Variants in MCC observed in about 807,000 individuals in gnomAD.
MCC encodes MCC regulator of Wnt signaling pathway.
A neutral mutation model predicts 116.2 loss-of-function variants in MCC; 90 were observed. That is an observed-to-expected ratio of 0.77 (90% CI 0.65 to 0.92). MCC has a LOEUF of 0.92. Among genes scored for constraint, MCC ranks in the 40% least tolerant of loss-of-function variants. The pLI, the probability that MCC is intolerant of heterozygous loss-of-function variation, is 0.00. For synonymous variants in MCC, 578 were observed against 510.5 expected (o/e 1.13, Z -1.78); for missense variants, 1,516 against 1,312.2 (o/e 1.16, Z -2.40).
At position 113,028,982 on chromosome 5, in the gene MCC, C is replaced by T. The variant is rs746735411; in HGVS notation, c.2831G>A (p.Arg944Gln). 1.1e-5 allele frequency: 17 copies of T among 1,613,976 alleles called. No homozygotes were observed. Among genetic ancestry groups the T allele is most frequent in the Non-Finnish European group, 1.2e-5 (14 of 1,179,974 alleles). Residue 944 changes from arginine (R) to glutamine (Q), a missense_variant, in exon 18 of 19, where the codon CGA (arginine) becomes CAA (glutamine). Physicochemically the swap from Arg to Gln is conservative, Grantham distance 43. Coordinates refer to ENST00000408903, the MANE Select transcript of MCC (RefSeq NM_001085377.2). ...CACGAACTCTGCAGATTGCTGATGT[C>T]GGATTTCACTGCTCTTGGTGAGTCT... The part of the protein sequence containing the change: ...LERLTKSSEI[R>Q]HQQSAEFVND...
intron 3 of MCC, among the ~76,000 whole-genome samples, chr5:113,197,155 G>A (rs760815635): frequency 2.6e-5 from 4 of 152,160 alleles, no homozygotes; most frequent in Non-Finnish European, 4.4e-5. Context: ...CACTGTCACG[G>A]GCTTCTTTCT....
At chr5:113,040,181 G>A (rs2150213252) in intron 17 of MCC, among the ~76,000 whole-genome samples, 1 of 59,230 alleles carries the variant, frequency 1.7e-5, no homozygotes, top group South Asian at 1.1e-3. Flanking sequence ...TACAGTAAAG[G>A]CGGGGTGGCA....
intron 3 of MCC, among the ~76,000 whole-genome samples, chr5:113,308,653 G>A (rs996435383): frequency 2.0e-5 from 3 of 151,964 alleles, no homozygotes; most frequent in Middle Eastern, 3.2e-3. Context: ...GGAGACCTTT[G>A]TCTCTACAGA....
chr5:113,073,906 G>A (rs946204192), intron 11 of MCC, among the ~76,000 whole-genome samples: 6 of 152,194 alleles, frequency 3.9e-5, no homozygotes, highest in Non-Finnish European at 8.8e-5. Flanking sequence ...GGAGCCCACC[G>A]CAGTTCAAGG....
intron 6 of MCC, among the ~76,000 whole-genome samples, chr5:113,115,161 T>G (rs1757325605): frequency 6.6e-6 from 1 of 152,164 alleles, no homozygotes; most frequent in South Asian, 2.1e-4. Context: ...TCAAAAGCAC[T>G]TGTTCCGGCC....
chr5:113,384,361 G>A (rs920816266), intron 2 of MCC, among the ~76,000 whole-genome samples: 5 of 152,194 alleles, frequency 3.3e-5, no homozygotes, highest in African/African-American at 1.2e-4. Flanking sequence ...GGCCAAGGCA[G>A]GTGGATCACG....
intron 2 of MCC, among the ~76,000 whole-genome samples, chr5:113,381,779 T>C (rs925472238): frequency 2.6e-5 from 4 of 151,858 alleles, no homozygotes; most frequent in African/African-American, 9.7e-5. Flanking sequence ...CAGAGTGAGA[T>C]CCTGACTCAA....
intron 1 of MCC, among the ~76,000 whole-genome samples, chr5:113,468,523 G>A (rs1580415515): frequency 2.0e-5 from 3 of 152,144 alleles, no homozygotes; most frequent in African/African-American, 7.2e-5. Context: ...TGCATCCCAG[G>A]GATGAAGCCC....
intron 1 of MCC, among the ~76,000 whole-genome samples, chr5:113,445,781 C>A (rs1467130826): frequency 6.6e-6 from 1 of 152,026 alleles, no homozygotes; most frequent in Non-Finnish European, 1.5e-5. Flanking sequence ...AAAAATACCC[C>A]ACATAGCCAA....
At chr5:113,129,634 G>A (rs962562301) in intron 5 of MCC, among the ~76,000 whole-genome samples, 2 of 151,878 alleles carry the variant, frequency 1.3e-5, no homozygotes, top group Non-Finnish European at 2.9e-5. Context: ...TTCTTAAAAG[G>A]CAATACACCA....
chr5:113,150,111 A>G (rs1406962737), intron 4 of MCC, among the ~76,000 whole-genome samples: 1 of 151,964 alleles, frequency 6.6e-6, no homozygotes, highest in South Asian at 2.1e-4. Context: ...GAGTGGAAAC[A>G]AAATTGAACA....
chr5:113,401,083 T>C (rs1199152216), intron 1 of MCC, among the ~76,000 whole-genome samples: 2 of 152,194 alleles, frequency 1.3e-5, no homozygotes, highest in Admixed American at 1.3e-4. Flanking sequence ...ATTTGGGAAA[T>C]GAACCACTTT....
At chr5:113,069,430 G>C (rs536438730) in intron 12 of MCC, among the ~76,000 whole-genome samples, 1 of 152,270 alleles carries the variant, frequency 6.6e-6, no homozygotes, top group African/African-American at 2.4e-5. Flanking sequence ...GGTGGAACAT[G>C]TGTACAGCAT....
At chr5:113,253,832 C>A (rs1764899262) in intron 3 of MCC, among the ~76,000 whole-genome samples, 1 of 152,036 alleles carries the variant, frequency 6.6e-6, no homozygotes, top group Non-Finnish European at 1.5e-5. Flanking sequence ...AAAACAAAAA[C>A]ATCCATATAG....
intron 3 of MCC, among the ~76,000 whole-genome samples, chr5:113,245,805 G>A (rs1764552666): frequency 6.6e-6 from 1 of 152,114 alleles, no homozygotes. Flanking sequence ...CTCATACTGT[G>A]ACAATTTAAA....
intron 11 of MCC, among the ~76,000 whole-genome samples, chr5:113,072,243 A>C (rs1754090726): frequency 6.6e-6 from 1 of 152,220 alleles, no homozygotes; most frequent in African/African-American, 2.4e-5. Context: ...TCTTAGACTC[A>C]AGCCTTAGAG....
intron 15 of MCC, among the ~76,000 whole-genome samples, chr5:113,052,845 T>C (rs765851859): frequency 6.6e-6 from 1 of 152,160 alleles, no homozygotes; most frequent in Non-Finnish European, 1.5e-5. Context: ...GTCCTTCTGG[T>C]GACCAGCCCA....
chr5:113,334,600 T>TC (rs1202668758), intron 3 of MCC, among the ~76,000 whole-genome samples: 1 of 145,526 alleles, frequency 6.9e-6, no homozygotes, highest in Non-Finnish European at 1.5e-5. Flanking sequence ...ATTTTTTTTT[T>TC]TTTTTTTTGA....
At chr5:113,108,985 C>T (rs12517187) in intron 6 of MCC, among the ~76,000 whole-genome samples, 69,685 of 151,942 alleles carry the variant, frequency 0.46, 16,246 homozygotes, top group African/African-American at 0.5. Flanking sequence ...GAGACTGGGC[C>T]GCCTGGAGCA....
Sources: gnomAD v4.1 joint callset for allele counts (sites outside exome capture counted in the v4.1 genomes callset) on GRCh38, gnomAD v4.1.1 for gene constraint, MANE v1.5 for transcripts, NCBI Gene and HGNC (gene_info 2026-07-23, HGNC 2026-07-21) for gene names.